The following LRRC4C variants were observed in gnomAD, a reference collection of about 807,000 sequenced individuals.
The protein encoded by LRRC4C is leucine-rich repeat-containing protein 4C.
Under a neutral mutation model 33.6 loss-of-function variants are expected in LRRC4C, and 5 were observed. That is an observed-to-expected ratio of 0.15 (90% CI 0.08 to 0.31). The LOEUF (loss-of-function observed/expected upper bound fraction) is 0.31, where lower values mean the gene tolerates loss of function less well. Ranked by LOEUF, LRRC4C falls within the 10% of genes least tolerant of loss-of-function variation. The pLI is 1.00. For missense variants in LRRC4C, 560 were observed against 796.7 expected, an observed-to-expected ratio of 0.70 and a Z score of 3.58; for synonymous variants, 329 against 302.0, an observed-to-expected ratio of 1.09 and a Z score of -0.93.
chr11:41,011,161 TG>T (rs1483886891), intron 1 of LRRC4C, among the ~76,000 whole-genome samples: 5 of 152,270 alleles, frequency 3.3e-5, no homozygotes, highest in African/African-American at 9.6e-5. Flanking sequence ...CTATATAACA[TG>T]ATATACAACA....
intron 2 of LRRC4C, among the ~76,000 whole-genome samples, chr11:40,876,575 C>T (rs1954902529): frequency 6.6e-6 from 1 of 151,968 alleles, no homozygotes; most frequent in Admixed American, 6.6e-5. Context: ...CATCCTGTGT[C>T]ACTGAAATGT....
At chr11:41,393,474 G>C (rs1953683153) in intron 1 of LRRC4C, among the ~76,000 whole-genome samples, 1 of 151,774 alleles carries the variant, frequency 6.6e-6, no homozygotes, top group Admixed American at 6.6e-5. Flanking sequence ...GTAAGTGAGA[G>C]GGGTAGGGGC....
At chr11:40,561,443 C>T (rs1046850622) in intron 3 of LRRC4C, among the ~76,000 whole-genome samples, 4 of 124,922 alleles carry the variant, frequency 3.2e-5, no homozygotes, top group African/African-American at 9.3e-5. Context: ...GACAGAGTCT[C>T]GCTCTGTTGC....
At chr11:41,457,097 TTTG>T (rs745451398) in intron 1 of LRRC4C, among the ~76,000 whole-genome samples, 12 of 152,196 alleles carry the variant, frequency 7.9e-5, no homozygotes, top group East Asian at 5.8e-4. Context: ...GTTGGTATCT[TTTG>T]TTGTTGTTGT....
intron 3 of LRRC4C, among the ~76,000 whole-genome samples, chr11:40,437,448 CAG>C (rs1161052353): frequency 6.6e-6 from 1 of 151,326 alleles, no homozygotes; most frequent in Non-Finnish European, 1.5e-5. Flanking sequence ...GGCTGGAGTG[CAG>C]TGGCACAATC....
intron 3 of LRRC4C, among the ~76,000 whole-genome samples, chr11:40,615,265 T>TATATATATATATATATATATACAC (rs1490740198): frequency 1.9e-5 from 1 of 53,438 alleles, no homozygotes; most frequent in African/African-American, 3.8e-5. Flanking sequence ...TATATATATA[T>TATATATATATATATATATATACAC]ACACACACAC....
Position 40,264,043 on chromosome 11 carries a change from C to A in LRRC4C, c.-175-22445G>T, listed in dbSNP as rs528310838. Among the ~76,000 whole-genome samples the A allele has an allele frequency of 4.6e-5, 7 of 152,268 alleles. No homozygotes were observed. The South Asian group carries it at 8.3e-4, about 18-fold the overall frequency. On this transcript the variant is annotated intron_variant, in intron 4 of 6. Coordinates refer to ENST00000528697, the MANE Select transcript of LRRC4C (RefSeq NM_001258419.2). ...TCTAGATCTTGATTGATCCATTATA[C>A]TTTAGATCTGTATATTGTAATTGCT...
At chr11:40,177,791 T>C (rs965144319) in intron 5 of LRRC4C, among the ~76,000 whole-genome samples, 4 of 152,348 alleles carry the variant, frequency 2.6e-5, no homozygotes, top group South Asian at 2.1e-4. Context: ...GGTTATTGCT[T>C]CTTTTCTATT....
intron 1 of LRRC4C, among the ~76,000 whole-genome samples, chr11:41,311,500 C>T (rs1950641771): frequency 6.6e-6 from 1 of 152,132 alleles, no homozygotes; most frequent in East Asian, 1.9e-4. Context: ...ATAAATCTAA[C>T]TTCCTCTACT....
At chr11:41,351,236 TACAC>T (rs1020230259) in intron 1 of LRRC4C, among the ~76,000 whole-genome samples, 2 of 111,124 alleles carry the variant, frequency 1.8e-5, no homozygotes, top group African/African-American at 6.0e-5. Context: ...CACACACACA[TACAC>T]ACACACACAC....
At chr11:40,984,363 AAAAGAAAGAAAGAAAGAAAG>A (rs61226519) in intron 1 of LRRC4C, among the ~76,000 whole-genome samples, 126 of 120,402 alleles carry the variant, frequency 1.0e-3, no homozygotes, top group Middle Eastern at 4.7e-3. Context: ...AAAGAAAGAA[AAAAGAAAGAAAGAAAGAAAG>A]AAAGAAAGAA....
intron 1 of LRRC4C, among the ~76,000 whole-genome samples, chr11:41,295,397 T>A (rs929788155): frequency 6.6e-6 from 1 of 152,150 alleles, no homozygotes; most frequent in Non-Finnish European, 1.5e-5. Context: ...TTTAGCAATA[T>A]ACAACTCCTA....
chr11:41,380,811 A>AGTCT (rs963786875), intron 1 of LRRC4C, among the ~76,000 whole-genome samples: 19 of 152,088 alleles, frequency 1.2e-4, no homozygotes, highest in East Asian at 1.9e-4. Flanking sequence ...GTCCAATAGT[A>AGTCT]GTCTGTCTGT....
At chr11:41,308,967 G>C (rs917778087) in intron 1 of LRRC4C, among the ~76,000 whole-genome samples, 1 of 152,110 alleles carries the variant, frequency 6.6e-6, no homozygotes, top group Non-Finnish European at 1.5e-5. Context: ...AACACGCCCG[G>C]CTAATTTTGT....
chr11:40,309,600 G>A (rs774930321), intron 4 of LRRC4C, among the ~76,000 whole-genome samples: 27 of 150,612 alleles, frequency 1.8e-4, no homozygotes, highest in Non-Finnish European at 2.4e-4. Context: ...CCACCTCTAC[G>A]ACTCAAGTGA....
chr11:41,150,378 A>T (rs757311454), intron 1 of LRRC4C, among the ~76,000 whole-genome samples: 1 of 152,364 alleles, frequency 6.6e-6, no homozygotes, highest in East Asian at 1.9e-4. Context: ...TGTTTTGGAC[A>T]TGGTGCTCAA....
rs376685543 is a variant in LRRC4C at position 40,358,504 on chromosome 11, C to T, written c.-269-38783G>A. ...CCGTGTTGGCCAGGCTGGTCTTGAACCCTTGGGCTCAAGTGATCCACCTGC... is the reference window on the plus strand; with the variant it reads ...CCGTGTTGGCCAGGCTGGTCTTGAATCCTTGGGCTCAAGTGATCCACCTGC... On this transcript the variant is annotated intron_variant, in intron 3 of 6. Coordinates refer to ENST00000528697, the MANE Select transcript of LRRC4C (RefSeq NM_001258419.2). Among the ~76,000 whole-genome samples the T allele has an allele frequency of 1.7e-4, 26 of 152,198 alleles. 1 individual carries two copies. In the East Asian group the frequency reaches 5.1e-3, roughly 30 times the overall value.
intron 1 of LRRC4C, among the ~76,000 whole-genome samples, chr11:41,085,985 C>T (rs1053590644): frequency 2.7e-5 from 4 of 149,516 alleles, no homozygotes; most frequent in African/African-American, 4.9e-5. Context: ...TCCTTCCACC[C>T]ATTTCTCTCT....
At chr11:40,478,505 T>G (rs1425464060) in intron 3 of LRRC4C, among the ~76,000 whole-genome samples, 1 of 152,170 alleles carries the variant, frequency 6.6e-6, no homozygotes, top group Non-Finnish European at 1.5e-5. Context: ...AGAATTAGGC[T>G]GGTGAGATTG....
Sources: gnomAD v4.1 joint callset for allele counts (sites outside exome capture counted in the v4.1 genomes callset) on GRCh38, gnomAD v4.1.1 for gene constraint, MANE v1.5 for transcripts, NCBI Gene and HGNC (gene_info 2026-07-23, HGNC 2026-07-21) for gene names.